ARHGAP15: variants seen among roughly 807,000 people sequenced by gnomAD.
The protein encoded by ARHGAP15 is Rho GTPase activating protein 15, also known as rho GTPase-activating protein 15.
ARHGAP15 carries 51 observed loss-of-function variants against 63.7 expected under a neutral mutation model. That is an observed-to-expected ratio of 0.80 (90% CI 0.64 to 1.01). The LOEUF (loss-of-function observed/expected upper bound fraction) is 1.01, where lower values mean the gene tolerates loss of function less well. ARHGAP15 is among the 50% of genes least tolerant of loss of function. The pLI is 0.00. For missense variants in ARHGAP15, 560 were observed against 564.6 expected, an observed-to-expected ratio of 0.99 and a Z score of 0.08; for synonymous variants, 191 against 193.8, an observed-to-expected ratio of 0.99 and a Z score of 0.12.
intron 13 of ARHGAP15, among the ~76,000 whole-genome samples, chr2:143,763,201 TATA>T (rs1686822669): frequency 6.6e-6 from 1 of 152,118 alleles, no homozygotes; most frequent in African/African-American, 2.4e-5. Flanking sequence ...AAGAGAGACA[TATA>T]ATAATATAAT....
At chr2:143,185,608 C>G (rs148779792) in intron 2 of ARHGAP15, among the ~76,000 whole-genome samples, 1 of 152,128 alleles carries the variant, frequency 6.6e-6, no homozygotes. Context: ...TAATAGAGAT[C>G]CTCATTCCCG....
chr2:143,563,448 T>C (rs1430879132), intron 11 of ARHGAP15, among the ~76,000 whole-genome samples: 3 of 152,236 alleles, frequency 2.0e-5, no homozygotes, highest in Non-Finnish European at 4.4e-5. Context: ...GCCAAATTCA[T>C]AGGCCTTCTG....
chr2:143,216,255 T>G, intron 3 of ARHGAP15, 129 bp from the exon 4 acceptor site: 1 of 649,830 alleles, frequency 1.5e-6, no homozygotes, highest in Non-Finnish European at 2.7e-6. Context: ...AAGCTATATA[T>G]GCATTATTAA....
chr2:143,626,854 T>C (rs531468178), intron 12 of ARHGAP15, among the ~76,000 whole-genome samples: 1 of 152,288 alleles, frequency 6.6e-6, no homozygotes, highest in East Asian at 1.9e-4. Context: ...CATTATGATC[T>C]GAAAGTTTGT....
chr2:143,479,338 G>GT (rs1691967746), intron 8 of ARHGAP15, among the ~76,000 whole-genome samples: 2 of 150,660 alleles, frequency 1.3e-5, no homozygotes, highest in South Asian at 2.1e-4. Flanking sequence ...CTCTTTTTGG[G>GT]GTTTTTTTTT....
chr2:143,305,021 G>GC (rs1683103700), intron 6 of ARHGAP15, among the ~76,000 whole-genome samples: 1 of 152,032 alleles, frequency 6.6e-6, no homozygotes, highest in Admixed American at 6.6e-5. Flanking sequence ...AAAGACACAT[G>GC]CACACATATG....
At chr2:143,226,211 A>G (rs886744915) in intron 4 of ARHGAP15, among the ~76,000 whole-genome samples, 8 of 152,204 alleles carry the variant, frequency 5.3e-5, no homozygotes, top group African/African-American at 1.9e-4. Flanking sequence ...GTTTCATGCA[A>G]CTTCAGCTCT....
intron 2 of ARHGAP15, among the ~76,000 whole-genome samples, chr2:143,170,587 A>G (rs1690734481): frequency 6.6e-6 from 1 of 152,104 alleles, no homozygotes; most frequent in African/African-American, 2.4e-5. Context: ...ACATTCTGCC[A>G]TGTTCAATGT....
intron 8 of ARHGAP15, among the ~76,000 whole-genome samples, chr2:143,475,230 T>C (rs1263310099): frequency 6.6e-6 from 1 of 152,208 alleles, no homozygotes; most frequent in African/African-American, 2.4e-5. Context: ...TTAGTGAGCA[T>C]AAGCTCCCTG....
At chr2:143,386,744 A>G (rs959508579) in intron 6 of ARHGAP15, among the ~76,000 whole-genome samples, 11 of 152,316 alleles carry the variant, frequency 7.2e-5, no homozygotes, top group Non-Finnish European at 1.5e-4. Flanking sequence ...AGCATGCACA[A>G]CAACCTCACT....
At position 143,326,034 on chromosome 2, in the gene ARHGAP15, T is replaced by C. The variant is rs75963762; in HGVS notation, c.474+75434T>C. Among the ~76,000 whole-genome samples, 768 of 152,292 alleles carry C rather than the reference T, an allele frequency of 5.0e-3. 4 individuals carry two copies. Among genetic ancestry groups the C allele is most frequent in the Non-Finnish European group, 8.8e-3 (598 of 68,006 alleles). On this transcript the variant is annotated intron_variant, in intron 6 of 13. Transcript: ENST00000295095. ...GTCTCAGTTGAAAGGCTAATTTTATTATTTGCTGTATTTGTCTATTTCTAA... is the reference window on the plus strand; with the variant it reads ...GTCTCAGTTGAAAGGCTAATTTTATCATTTGCTGTATTTGTCTATTTCTAA...
intron 8 of ARHGAP15, among the ~76,000 whole-genome samples, chr2:143,446,391 T>A (rs1362155008): frequency 6.6e-6 from 1 of 152,000 alleles, no homozygotes; most frequent in Admixed American, 6.6e-5. Flanking sequence ...CTTTTGCAAC[T>A]GTTGAAACAG....
chr2:143,279,880 G>A (rs532839576), intron 6 of ARHGAP15, among the ~76,000 whole-genome samples: 16 of 152,252 alleles, frequency 1.1e-4, no homozygotes, highest in African/African-American at 3.6e-4. Flanking sequence ...TGGTGCAGCA[G>A]CTCATTACAG....
At chr2:143,309,867 TGTG>T (rs1683356753) in intron 6 of ARHGAP15, among the ~76,000 whole-genome samples, 1 of 22,644 alleles carries the variant, frequency 4.4e-5, no homozygotes, top group Admixed American at 6.7e-4. Context: ...TATATGAACT[TGTG>T]TGTGTGTGTG....
At chr2:143,470,574 T>A (rs1278948202) in intron 8 of ARHGAP15, among the ~76,000 whole-genome samples, 1 of 150,744 alleles carries the variant, frequency 6.6e-6, no homozygotes, top group East Asian at 1.9e-4. Flanking sequence ...AAAAGTAGTG[T>A]GTGTGTGTAC....
intron 6 of ARHGAP15, among the ~76,000 whole-genome samples, chr2:143,312,264 A>G: frequency 6.6e-6 from 1 of 152,164 alleles, no homozygotes; most frequent in East Asian, 1.9e-4. Flanking sequence ...GTAGCAGCAG[A>G]TATTTTTCTC....
At chr2:143,279,228 T>C (rs1341917175) in intron 6 of ARHGAP15, among the ~76,000 whole-genome samples, 1 of 152,166 alleles carries the variant, frequency 6.6e-6, no homozygotes, top group Non-Finnish European at 1.5e-5. Flanking sequence ...TTTTTTCCTC[T>C]TATTCAGCTC....
In ARHGAP15 at chr2:143,155,483, A is replaced by C. The variant is rs749666709; in HGVS notation, c.-8A>C. 3 of 1,600,918 alleles carry C rather than the reference A, an allele frequency of 1.9e-6. No individual in the cohort carries two copies. Among genetic ancestry groups the C allele is most frequent in the African/African-American group, 2.7e-5 (2 of 73,904 alleles). On this transcript the variant is annotated 5_prime_UTR_variant, in exon 2 of 14. Transcript: ENST00000295095. ...ACATTTTATATTTTATCAGGATAGC[A>C]CTATAATATGCAGAAATCTACAAAT... is the stretch of plus-strand genomic sequence containing the variant.
chr2:143,280,217 A>G (rs1453713422), intron 6 of ARHGAP15, among the ~76,000 whole-genome samples: 1 of 152,192 alleles, frequency 6.6e-6, no homozygotes, highest in Non-Finnish European at 1.5e-5. Flanking sequence ...TCTAAAGGAA[A>G]AGATGAGAAA....
Sources: allele counts gnomAD v4.1 joint callset (sites outside exome capture counted in the v4.1 genomes callset), GRCh38; gene constraint gnomAD v4.1.1; transcripts MANE v1.5; gene names NCBI Gene and HGNC (gene_info 2026-07-23, HGNC 2026-07-21).